Variants in ZNF264 observed in about 807,000 individuals in gnomAD.
The protein encoded by ZNF264 is zinc finger protein 264.
A neutral mutation model predicts 11.2 loss-of-function variants in ZNF264; 11 were observed. That is an observed-to-expected ratio of 0.98 (90% CI 0.62 to 1.63). The LOEUF (loss-of-function observed/expected upper bound fraction) is 1.63. ZNF264 is among the 40% of genes most tolerant of loss of function. ZNF264 has a pLI of 0.00. For synonymous variants in ZNF264, 309 were observed against 279.8 expected (o/e 1.10, Z -1.04); for missense variants, 752 against 768.1 (o/e 0.98, Z 0.25).
At position 57,215,474 on chromosome 19, in the gene ZNF264, C is replaced by T. The variant is rs1459071950; in HGVS notation, c.*2493C>T. The stretch of plus-strand genomic sequence containing the variant: ...CTGAAAGATGTAATTTTTGCTTCAT[C>T]TCTCACTTCAGAGAACTAGCACTTT... On this transcript the variant is annotated 3_prime_UTR_variant, in exon 4 of 4. Coordinates refer to ENST00000263095, the MANE Select transcript of ZNF264 (RefSeq NM_003417.5). The T allele has an allele frequency of 6.6e-6, 1 of 152,152 alleles. No homozygotes were observed. Among genetic ancestry groups the T allele is most frequent in the African/African-American group, 2.4e-5 (1 of 41,432 alleles). The allele number at this position is 152,152 out of a possible 1,614,324, so 9.4% of individuals were successfully genotyped here. A position where few individuals can be genotyped will look rare whatever the true frequency, so the allele number is the denominator to read the frequency against.
At chr19:57,195,895 G>A (rs542348291) in intron 2 of ZNF264, among the ~76,000 whole-genome samples, 10 of 151,862 alleles carry the variant, frequency 6.6e-5, no homozygotes, top group Non-Finnish European at 1.0e-4. Flanking sequence ...GTAATGTCGC[G>A]GGAATAGGAA....
rs1178870027 is a variant in ZNF264 at position 57,216,776 on chromosome 19, G to T, written c.*3795G>T. The T allele has an allele frequency of 6.6e-6, 1 of 151,694 alleles. No individual in the cohort carries two copies. Among genetic ancestry groups the T allele is most frequent in the African/African-American group, 2.4e-5 (1 of 41,284 alleles). 9.4% of individuals were successfully genotyped at this position (151,694 alleles called of 1,614,324 possible). ...TAATTATTGATATTTTAGGGCTTAA[G>T]TGTGCCCTTAAATGATTTTTGTGTT... On this transcript the variant is annotated 3_prime_UTR_variant, in exon 4 of 4. Coordinates refer to ENST00000263095, the MANE Select transcript of ZNF264 (RefSeq NM_003417.5).
In ZNF264 at chr19:57,215,076, T is replaced by C. The variant is rs1286429085; in HGVS notation, c.*2095T>C. On this transcript the variant is annotated 3_prime_UTR_variant, in exon 4 of 4. Transcript: ENST00000263095. The stretch of plus-strand genomic sequence containing the variant: ...ATGTGTGGTTTTGATGTCTAGGTGA[T>C]CTTGACCTTTCAACATGAATTGGAA... The C allele has an allele frequency of 2.6e-5, 4 of 152,262 alleles. No individual in the cohort carries two copies. Among genetic ancestry groups the C allele is most frequent in the Non-Finnish European group, 4.4e-5 (3 of 68,024 alleles). The allele number at this position is 152,262 out of a possible 1,614,324, so 9.4% of individuals were successfully genotyped here.
In ZNF264 at chr19:57,213,782, G is replaced by A. The variant is rs2087359492; in HGVS notation, c.*801G>A. The A allele has an allele frequency of 6.6e-6, 1 of 152,172 alleles. No individual in the cohort carries two copies. The highest frequency in any genetic ancestry group is 1.5e-5 in the Non-Finnish European group (1 of 68,040). 9.4% of individuals were successfully genotyped at this position (152,172 alleles called of 1,614,324 possible). On this transcript the variant is annotated 3_prime_UTR_variant, in exon 4 of 4. Transcript: ENST00000263095. ...TTACAGAAATTGAGTTAAGTCTGTG[G>A]ATTAATCTGTTAAGAATTGGTATCT...
In ZNF264 at chr19:57,220,246, T is replaced by C. The variant is rs2087407979; in HGVS notation, c.*7265T>C. The C allele has an allele frequency of 6.6e-6, 1 of 152,234 alleles. No individual in the cohort carries two copies. Among genetic ancestry groups the C allele is most frequent in the Non-Finnish European group, 1.5e-5 (1 of 68,048 alleles). The allele number at this position is 152,234 out of a possible 1,614,324, so 9.4% of individuals were successfully genotyped here. On this transcript the variant is annotated 3_prime_UTR_variant, in exon 4 of 4. Coordinates refer to ENST00000263095, the MANE Select transcript of ZNF264 (RefSeq NM_003417.5). ...AAGTTGATTCAACAATGCTATAATC[T>C]GTTACTCTCATTCGACAATACATCT... is the stretch of plus-strand genomic sequence containing the variant.
intron 2 of ZNF264, among the ~76,000 whole-genome samples, chr19:57,200,674 G>A (rs73632786): frequency 0.05 from 7,549 of 151,540 alleles, 806 homozygotes; most frequent in African/African-American, 0.17. Context: ...GAATACAGTG[G>A]CACAATCTCG....
chr19:57,191,763 C>A lies in ZNF264; in HGVS notation c.-151C>A, dbSNP rs1404894903. Reference sequence around the variant, plus strand: ...CGGTTGCCACCGAGGAGGCGGCGGCCCTGCGTCTGGAACGCCGTTGCCACC... The same window carrying A: ...CGGTTGCCACCGAGGAGGCGGCGGCACTGCGTCTGGAACGCCGTTGCCACC... On this transcript the variant is annotated 5_prime_UTR_variant, in exon 1 of 4. Coordinates refer to ENST00000263095, the MANE Select transcript of ZNF264 (RefSeq NM_003417.5). 1.9e-6 allele frequency: 1 copy of A among 515,198 alleles called. No individual in the cohort carries two copies. Among genetic ancestry groups the A allele is most frequent in the Non-Finnish European group, 3.0e-6 (1 of 331,510 alleles). The allele number at this position is 515,198 out of a possible 1,614,324, so 31.9% of individuals were successfully genotyped here.
chr19:57,199,286 C>T (rs2087234442), intron 2 of ZNF264, among the ~76,000 whole-genome samples: 1 of 152,050 alleles, frequency 6.6e-6, no homozygotes, highest in South Asian at 2.1e-4. Context: ...TTCAAAGATG[C>T]AGGTGCTGCC....
At chr19:57,194,783 C>T in intron 2 of ZNF264, 1 of 400,150 alleles carries the variant, frequency 2.5e-6, no homozygotes, top group Non-Finnish European at 4.4e-6. Flanking sequence ...TTTACAGACA[C>T]ACCCAGGATC....
chr19:57,200,571 T>TTG (rs1287504969), intron 2 of ZNF264, among the ~76,000 whole-genome samples: 8,199 of 143,536 alleles, frequency 0.057, 906 homozygotes, highest in African/African-American at 0.2. Context: ...TTGTCTTGTC[T>TTG]TGTCTTGTCT....
chr19:57,208,504 C>T (rs1054271259), intron 3 of ZNF264, among the ~76,000 whole-genome samples: 2 of 152,080 alleles, frequency 1.3e-5, no homozygotes, highest in African/African-American at 4.8e-5. Context: ...ATTCATGCCA[C>T]TGCACTCCAG....
In ZNF264 at chr19:57,213,387, T is replaced by C; in HGVS notation, c.*406T>C. 6.0e-6 allele frequency: 1 copy of C among 165,372 alleles called. No homozygotes were observed. Among genetic ancestry groups the C allele is most frequent in the South Asian group, 1.5e-4 (1 of 6,586 alleles). The allele number at this position is 165,372 out of a possible 1,614,324, so 10.2% of individuals were successfully genotyped here. A position where few individuals can be genotyped will look rare whatever the true frequency, so the allele number is the denominator to read the frequency against. On this transcript the variant is annotated 3_prime_UTR_variant, in exon 4 of 4. Transcript: ENST00000263095. ...TTAGTTTAGGAAAAGTATGCAAACT[T>C]TAATCGCACATCTTCTGTATTCCAC... is the stretch of plus-strand genomic sequence containing the variant.
At chr19:57,202,518 C>T (rs1157103909) in intron 2 of ZNF264, among the ~76,000 whole-genome samples, 4 of 151,786 alleles carry the variant, frequency 2.6e-5, no homozygotes, top group East Asian at 3.9e-4. Context: ...GCCCTCCTTT[C>T]GCTCTAACGT....
At position 57,215,536 on chromosome 19, in the gene ZNF264, T is replaced by A. The variant is rs931566879; in HGVS notation, c.*2555T>A. The A allele has an allele frequency of 6.6e-6, 1 of 152,208 alleles. No individual in the cohort carries two copies. The highest frequency in any genetic ancestry group is 1.5e-5 in the Non-Finnish European group (1 of 68,034). The allele number at this position is 152,208 out of a possible 1,614,324, so 9.4% of individuals were successfully genotyped here. A position where few individuals can be genotyped will look rare whatever the true frequency, so the allele number is the denominator to read the frequency against. On this transcript the variant is annotated 3_prime_UTR_variant, in exon 4 of 4. Coordinates refer to ENST00000263095, the MANE Select transcript of ZNF264 (RefSeq NM_003417.5). ...TTGTCTCTATTCTTGATTTCTTTGA[T>A]TTCTGCTCTGATCGGTATTATATTC...
intron 2 of ZNF264, among the ~76,000 whole-genome samples, chr19:57,195,782 A>C (rs1404055573): frequency 6.6e-6 from 1 of 151,830 alleles, no homozygotes; most frequent in Non-Finnish European, 1.5e-5. Flanking sequence ...GAGGAGCCCA[A>C]AGTGTCCAGG....
At chr19:57,201,559 C>T (rs1204147907) in intron 2 of ZNF264, among the ~76,000 whole-genome samples, 1 of 151,884 alleles carries the variant, frequency 6.6e-6, no homozygotes, top group Non-Finnish European at 1.5e-5. Flanking sequence ...GAGCCTCAGC[C>T]TTGTATATTA....
At chr19:57,205,256 C>T (rs2087283122) in intron 2 of ZNF264, 141 bp from the exon 3 acceptor site, 1 of 714,674 alleles carries the variant, frequency 1.4e-6, no homozygotes, top group African/African-American at 1.8e-5. Context: ...GTTTCCAGGT[C>T]ACATGCCAGC....
At chr19:57,208,805 A>G (rs1188793068) in intron 3 of ZNF264, among the ~76,000 whole-genome samples, 1 of 152,188 alleles carries the variant, frequency 6.6e-6, no homozygotes. Context: ...CTTAACCAGG[A>G]AAGAGAGGTT....
At chr19:57,202,192 A>G (rs1036406548) in intron 2 of ZNF264, among the ~76,000 whole-genome samples, 3 of 151,886 alleles carry the variant, frequency 2.0e-5, no homozygotes. Context: ...CCTGGGCGAC[A>G]GAGTGAGACC....
Sources: gnomAD v4.1 joint callset for allele counts (sites outside exome capture counted in the v4.1 genomes callset) on GRCh38, gnomAD v4.1.1 for gene constraint, MANE v1.5 for transcripts, NCBI Gene and HGNC (gene_info 2026-07-23, HGNC 2026-07-21) for gene names.